The following C10orf67 variants were observed in gnomAD, a reference collection of about 807,000 sequenced individuals.
C10orf67 encodes uncharacterized protein C10orf67, mitochondrial.
C10orf67 carries 60 observed loss-of-function variants against 35.6 expected under a neutral mutation model. The ratio of observed to expected loss-of-function variants is 1.68; its 90% CI spans 1.37 to 2.09. The LOEUF (loss-of-function observed/expected upper bound fraction) is 2.09, where lower values mean the gene tolerates loss of function less well. Ranked by LOEUF, C10orf67 falls within the 30% of genes most tolerant of loss-of-function variation. C10orf67 has a pLI of 0.00. For synonymous variants in C10orf67, 167 were observed against 115.8 expected (o/e 1.44, Z -2.84); for missense variants, 474 against 330.2 (o/e 1.44, Z -3.38).
chr10:23,322,847 T>C (rs983895341), intron 2 of C10orf67, among the ~76,000 whole-genome samples: 20 of 152,164 alleles, frequency 1.3e-4, no homozygotes, highest in African/African-American at 4.8e-4. Context: ...AATATATATA[T>C]ATATACACAC....
intron 13 of C10orf67, among the ~76,000 whole-genome samples, chr10:23,237,694 T>C (rs1356672824): frequency 2.6e-5 from 4 of 152,176 alleles, no homozygotes; most frequent in Admixed American, 1.3e-4. Flanking sequence ...AAGTATAAAC[T>C]GTGTGAGTCC....
At chr10:23,233,001 A>T (rs921493990) in intron 13 of C10orf67, among the ~76,000 whole-genome samples, 5 of 152,058 alleles carry the variant, frequency 3.3e-5, no homozygotes, top group African/African-American at 1.2e-4. Flanking sequence ...TAAAGAATAT[A>T]AAAAAATTAG....
rs80225834 is a variant in C10orf67, at chr10:23,299,664, T to C, written c.702+3640A>G. On this transcript the variant is annotated intron_variant, in intron 5 of 15. Transcript: ENST00000636213. ...GGATAGTGACAGATCTGGAGGACAA[T>C]TGTCCACGACAGGAGAGTAAGACTG... Among the ~76,000 whole-genome samples the C allele has an allele frequency of 0.06, 9,128 of 152,154 alleles. 1,250 individuals carry two copies. The East Asian group carries it at 0.62, about 10-fold the overall frequency.
intron 15 of C10orf67, among the ~76,000 whole-genome samples, chr10:23,219,922 C>T (rs1430598854): frequency 6.6e-6 from 1 of 152,124 alleles, no homozygotes; most frequent in Admixed American, 6.6e-5. Context: ...ATCGCTAGCA[C>T]TTTGAAAGAG....
chr10:23,311,296 C>T (rs183405179), intron 4 of C10orf67, among the ~76,000 whole-genome samples: 41 of 152,274 alleles, frequency 2.7e-4, no homozygotes, highest in African/African-American at 9.4e-4. Flanking sequence ...TGTCCTTCAT[C>T]GAGAGGTTCT....
At chr10:23,239,142 C>T (rs1208608885) in intron 13 of C10orf67, among the ~76,000 whole-genome samples, 1 of 152,154 alleles carries the variant, frequency 6.6e-6, no homozygotes, top group African/African-American at 2.4e-5. Flanking sequence ...AAGTTTGTCT[C>T]ATTTTGGTTT....
At chr10:23,228,268 C>T (rs373329028) in intron 13 of C10orf67, among the ~76,000 whole-genome samples, 1 of 151,876 alleles carries the variant, frequency 6.6e-6, no homozygotes, top group Non-Finnish European at 1.5e-5. Context: ...CAGAATAGAG[C>T]CCTCAGAAAT....
intron 8 of C10orf67, among the ~76,000 whole-genome samples, chr10:23,279,326 T>G (rs1231972162): frequency 2.6e-5 from 4 of 152,224 alleles, no homozygotes; most frequent in Non-Finnish European, 5.9e-5. Context: ...TTCACAGAGC[T>G]TCCATGTAAA....
At chr10:23,304,167 C>T (rs1297322433) in intron 4 of C10orf67, among the ~76,000 whole-genome samples, 1 of 152,090 alleles carries the variant, frequency 6.6e-6, no homozygotes, top group Non-Finnish European at 1.5e-5. Flanking sequence ...CAGGCACCTG[C>T]TGGGAGTCAT....
intron 7 of C10orf67, among the ~76,000 whole-genome samples, chr10:23,282,694 G>T (rs534293473): frequency 1.3e-5 from 2 of 152,124 alleles, no homozygotes; most frequent in East Asian, 1.9e-4. Flanking sequence ...AGCTGGGCAT[G>T]GTGGCATGTG....
At position 23,319,487 on chromosome 10, in the gene C10orf67, T is replaced by C. The variant is rs182667686; in HGVS notation, c.546+1254A>G. On this transcript the variant is annotated intron_variant, in intron 4 of 15. Coordinates refer to ENST00000636213, the MANE Select transcript of C10orf67 (RefSeq NM_001371909.1). ...GAACACACACATGCAGGTGTCTTTATGGTAGAATGATTTATCTTTCTTTGG... is the reference window on the plus strand; with the variant it reads ...GAACACACACATGCAGGTGTCTTTACGGTAGAATGATTTATCTTTCTTTGG... 8.5e-5 allele frequency among the ~76,000 whole-genome samples: 13 copies of C among 152,342 alleles called. 1 individual carries two copies. The East Asian group carries it at 2.5e-3, about 29-fold the overall frequency.
intron 8 of C10orf67, among the ~76,000 whole-genome samples, chr10:23,271,919 T>C (rs1843038385): frequency 6.6e-6 from 1 of 152,200 alleles, no homozygotes; most frequent in Non-Finnish European, 1.5e-5. Context: ...GTTGTTGTTG[T>C]TTGAGACAAT....
At chr10:23,319,005 T>G (rs755419364) in intron 4 of C10orf67, 11 of 713,354 alleles carry the variant, frequency 1.5e-5, no homozygotes, top group Non-Finnish European at 2.6e-5. Context: ...TTTTTTTTCT[T>G]TCCAATTTTT....
chr10:23,263,784 T>C (rs755230025), intron 10 of C10orf67, among the ~76,000 whole-genome samples: 4 of 152,240 alleles, frequency 2.6e-5, no homozygotes, highest in Non-Finnish European at 4.4e-5. Flanking sequence ...AACCTTGATA[T>C]ATGAAACTTG....
Position 23,207,151 on chromosome 10 carries a change from CTT to C in C10orf67, c.1571-2898_1571-2897del, listed in dbSNP as rs10718721. ...GAATAACATGCCAACTTCCTAAAGG[CTT>C]TTTTTTTTTTTTTGTCTTAATGAAT... On this transcript the variant is annotated intron_variant, in intron 15 of 15. Transcript: ENST00000636213. Among the ~76,000 whole-genome samples the C allele has an allele frequency of 6.8e-3, 950 of 139,344 alleles. 8 individuals carry two copies. The highest frequency in any genetic ancestry group is 0.017 in the African/African-American group (646 of 37,790). 91.4% of individuals were successfully genotyped at this position (139,344 alleles called of 152,430 possible). A position where few individuals can be genotyped will look rare whatever the true frequency, so the allele number is the denominator to read the frequency against.
intron 7 of C10orf67, among the ~76,000 whole-genome samples, chr10:23,288,386 G>A (rs1400457979): frequency 3.9e-5 from 6 of 152,226 alleles, no homozygotes; most frequent in South Asian, 2.1e-4. Context: ...ACCAAACACC[G>A]CATGTTCTCA....
intron 8 of C10orf67, among the ~76,000 whole-genome samples, chr10:23,279,368 T>C (rs1211617124): frequency 6.6e-6 from 1 of 152,258 alleles, no homozygotes; most frequent in African/African-American, 2.4e-5. Context: ...GAAACATCTG[T>C]TTCCTAACTG....
At chr10:23,243,454 T>C (rs1167048781) in intron 12 of C10orf67, among the ~76,000 whole-genome samples, 1 of 151,312 alleles carries the variant, frequency 6.6e-6, no homozygotes, top group Non-Finnish European at 1.5e-5. Context: ...GAGGCTGAGG[T>C]GGGCGGATCA....
At chr10:23,286,365 C>T (rs1013313521) in intron 7 of C10orf67, among the ~76,000 whole-genome samples, 5 of 117,946 alleles carry the variant, frequency 4.2e-5, no homozygotes, top group African/African-American at 1.7e-4. Flanking sequence ...TACCACTGTA[C>T]TCTAGCCTTA....
Sources: allele counts gnomAD v4.1 joint callset (sites outside exome capture counted in the v4.1 genomes callset), GRCh38; gene constraint gnomAD v4.1.1; transcripts MANE v1.5; gene names NCBI Gene and HGNC (gene_info 2026-07-23, HGNC 2026-07-21).